Variants in CLVS2 observed in about 807,000 individuals in gnomAD.
CLVS2 encodes clavesin 2, also known as clavesin-2.
CLVS2 carries 19 observed loss-of-function variants against 29.0 expected under a neutral mutation model. The ratio of observed to expected loss-of-function variants is 0.66; its 90% CI spans 0.46 to 0.96. CLVS2 has a LOEUF of 0.96. CLVS2 is among the 40% of genes least tolerant of loss of function. CLVS2 has a pLI of 0.00. For synonymous variants in CLVS2, 161 were observed against 151.3 expected, an observed-to-expected ratio of 1.06 and a Z score of -0.47; for missense variants, 294 against 404.1, an observed-to-expected ratio of 0.73 and a Z score of 2.34.
chr6:123,004,741 C>T (rs1044599916), intron 2 of CLVS2, among the ~76,000 whole-genome samples: 1 of 151,852 alleles, frequency 6.6e-6, no homozygotes, highest in African/African-American at 2.4e-5. Flanking sequence ...GGTGAAACCC[C>T]GTCTCTACTA....
chr6:123,049,041 G>T (rs1772564490), intron 4 of CLVS2, among the ~76,000 whole-genome samples: 1 of 152,134 alleles, frequency 6.6e-6, no homozygotes, highest in East Asian at 1.9e-4. Flanking sequence ...TGTTATTGAT[G>T]CACTTAATTT....
chr6:123,009,167 T>C (rs1774714550), intron 2 of CLVS2, among the ~76,000 whole-genome samples: 1 of 152,012 alleles, frequency 6.6e-6, no homozygotes, highest in Non-Finnish European at 1.5e-5. Context: ...CTTTGATGAC[T>C]CTCTGGTGCT....
intron 4 of CLVS2, among the ~76,000 whole-genome samples, chr6:123,051,450 TCTC>T (rs1481348681): frequency 6.6e-6 from 1 of 152,142 alleles, no homozygotes; most frequent in Non-Finnish European, 1.5e-5. Flanking sequence ...TAAACTAAGG[TCTC>T]CTACTGCTCC....
At chr6:123,019,772 G>T (rs1000938183) in intron 3 of CLVS2, among the ~76,000 whole-genome samples, 5 of 152,038 alleles carry the variant, frequency 3.3e-5, no homozygotes, top group Non-Finnish European at 5.9e-5. Flanking sequence ...AGTTATGGAG[G>T]CTGAGAAGTC....
intron 3 of CLVS2, among the ~76,000 whole-genome samples, chr6:123,038,060 C>A (rs1037070940): frequency 1.3e-5 from 2 of 152,146 alleles, no homozygotes; most frequent in African/African-American, 4.8e-5. Flanking sequence ...CAACTCCAGA[C>A]AAACAGTTTT....
intron 3 of CLVS2, among the ~76,000 whole-genome samples, chr6:123,030,528 C>T (rs1775068331): frequency 6.6e-6 from 1 of 152,060 alleles, no homozygotes. Context: ...AAAGGTCAGC[C>T]CTATCTTCAG....
At chr6:123,035,240 T>C (rs552727000) in intron 3 of CLVS2, among the ~76,000 whole-genome samples, 1 of 152,196 alleles carries the variant, frequency 6.6e-6, no homozygotes, top group Admixed American at 6.5e-5. Flanking sequence ...GTGAAGGGTT[T>C]TTTGATTTTT....
In CLVS2 at chr6:123,055,868, C is replaced by T. The variant is rs547464007; in HGVS notation, c.738C>T (p.Pro246=). ...AACTAATTCATCCTGAGATCCTGCC[C>T]TCTGAGTTTGGAGGAATGCTGCCTC... ...LHQLIHPEIL[P]SEFGGMLPPY... is the part of the protein sequence containing the mutation. The change falls in exon 5 of 6, where the codon CCC becomes CCT. Residue 246 remains proline, a synonymous_variant. Transcript: ENST00000275162. 334 of 1,614,088 alleles carry T rather than the reference C, an allele frequency of 2.1e-4. 1 individual carries two copies. In the Middle Eastern group the frequency reaches 2.3e-3, roughly 11 times the overall value.
intron 2 of CLVS2, among the ~76,000 whole-genome samples, chr6:122,999,437 A>C (rs1238182496): frequency 6.6e-6 from 1 of 152,200 alleles, no homozygotes; most frequent in East Asian, 1.9e-4. Context: ...GAAGATTCAT[A>C]ATGCTAAGAA....
In CLVS2 at chr6:123,069,923, A is replaced by G. The variant is rs973514126; in HGVS notation, c.*6162A>G. 2 of 151,922 alleles carry G rather than the reference A, an allele frequency of 1.3e-5. No individual in the cohort carries two copies. The highest frequency in any genetic ancestry group is 2.9e-5 in the Non-Finnish European group (2 of 67,892). The allele number at this position is 151,922 out of a possible 1,614,324, so 9.4% of individuals were successfully genotyped here. On this transcript the variant is annotated 3_prime_UTR_variant, in exon 6 of 6. Coordinates refer to ENST00000275162, the MANE Select transcript of CLVS2 (RefSeq NM_001010852.4). ...TTTTTCTAATTGGCATCATAAAAGT[A>G]TAAGAAGCCACAAATGCATTGTTGC...
At chr6:123,048,452 T>C (rs1240622681) in intron 3 of CLVS2, among the ~76,000 whole-genome samples, 170 bp from the exon 4 acceptor site, 1 of 152,178 alleles carries the variant, frequency 6.6e-6, no homozygotes, top group Non-Finnish European at 1.5e-5. Context: ...AGTTACTGTA[T>C]GAAAAGTACA....
intron 3 of CLVS2, among the ~76,000 whole-genome samples, chr6:123,016,338 T>TTG: frequency 3.1e-5 from 1 of 32,698 alleles, no homozygotes; most frequent in East Asian, 3.6e-3. Context: ...CGTGCTTTTT[T>TTG]TGGGGGGGAG....
chr6:123,061,848 T>C (rs1772784393), intron 5 of CLVS2, among the ~76,000 whole-genome samples: 1 of 151,574 alleles, frequency 6.6e-6, no homozygotes, highest in Non-Finnish European at 1.5e-5. Flanking sequence ...TGGAATATTA[T>C]TAGGATATAC....
chr6:122,997,757 A>C lies in CLVS2; in HGVS notation c.-21A>C, dbSNP rs745542448. The stretch of plus-strand genomic sequence containing the variant: ...CAGTCAACAAGGTCTTCTGAGGGAA[A>C]GCTCAGAGATAGGCAGAACAATGAC... On this transcript the variant is annotated 5_prime_UTR_variant, in exon 2 of 6. Transcript: ENST00000275162. 4.4e-6 allele frequency: 7 copies of C among 1,607,454 alleles called. No homozygotes were observed. The African/African-American group carries it at 9.4e-5, about 22-fold the overall frequency.
chr6:123,053,460 A>G (rs1772645326), intron 4 of CLVS2, among the ~76,000 whole-genome samples: 1 of 152,160 alleles, frequency 6.6e-6, no homozygotes, highest in Admixed American at 6.6e-5. Flanking sequence ...TGTTTCAATA[A>G]ACAGAGTCAT....
Position 123,055,826 on chromosome 6 carries a change from C to A in CLVS2, c.696C>A (p.Asn232Lys). The change falls in exon 5 of 6, where the codon AAC (asparagine) becomes AAA (lysine). Residue 232 changes from asparagine to lysine, a missense_variant. Asn to Lys is a moderately conservative substitution (Grantham distance 94). Transcript: ENST00000275162. ...TRKRIFLHGNNLNSLHQLIHP... is the reference protein window; with the variant it reads ...TRKRIFLHGNKLNSLHQLIHP... The stretch of plus-strand genomic sequence containing the variant: ...TATAGATATTTTTGCATGGTAACAA[C>A]CTGAACAGTCTACACCAACTAATTC... 1 of 1,613,780 alleles carries A rather than the reference C, an allele frequency of 6.2e-7. No individual in the cohort carries two copies. The highest frequency in any genetic ancestry group is 8.5e-7 in the Non-Finnish European group (1 of 1,179,676).
chr6:123,063,856 G>A lies in CLVS2; in HGVS notation c.*95G>A, dbSNP rs981853591. 59 of 802,424 alleles carry A rather than the reference G, an allele frequency of 7.4e-5. No homozygotes were observed. Among genetic ancestry groups the A allele is most frequent in the East Asian group, 2.6e-4 (10 of 37,762 alleles). The allele number at this position is 802,424 out of a possible 1,614,324, so 49.7% of individuals were successfully genotyped here. A position where few individuals can be genotyped will look rare whatever the true frequency, so the allele number is the denominator to read the frequency against. ...GTAGAGGAATTACCAGCTGGAAACCGACTTATTCATGTTAATGTAGCATAA... is the reference window on the plus strand; with the variant it reads ...GTAGAGGAATTACCAGCTGGAAACCAACTTATTCATGTTAATGTAGCATAA... On this transcript the variant is annotated 3_prime_UTR_variant, in exon 6 of 6. Coordinates refer to ENST00000275162, the MANE Select transcript of CLVS2 (RefSeq NM_001010852.4).
In CLVS2 at chr6:123,072,391, C is replaced by G. The variant is rs1772963019; in HGVS notation, c.*8630C>G. 6.6e-6 allele frequency: 1 copy of G among 152,014 alleles called. No individual in the cohort carries two copies. The highest frequency in any genetic ancestry group is 6.6e-5 in the Admixed American group (1 of 15,242). The allele number at this position is 152,014 out of a possible 1,614,324, so 9.4% of individuals were successfully genotyped here. A position where few individuals can be genotyped will look rare whatever the true frequency, so the allele number is the denominator to read the frequency against. On this transcript the variant is annotated 3_prime_UTR_variant, in exon 6 of 6. Transcript: ENST00000275162. ...TGTGTGCTATGTAGGACATTGTTAACCAATATAGATTATGTTTCTTGTCAG... is the reference window on the plus strand; with the variant it reads ...TGTGTGCTATGTAGGACATTGTTAAGCAATATAGATTATGTTTCTTGTCAG...
chr6:123,055,714 C>A, intron 4 of CLVS2, 92 bp from the exon 5 acceptor site: 2 of 865,284 alleles, frequency 2.3e-6, no homozygotes, highest in South Asian at 1.5e-5. Flanking sequence ...CTCATATTTG[C>A]TATTGCTATC....
Sources: gnomAD v4.1 joint callset for allele counts (sites outside exome capture counted in the v4.1 genomes callset) on GRCh38, gnomAD v4.1.1 for gene constraint, MANE v1.5 for transcripts, NCBI Gene and HGNC (gene_info 2026-07-23, HGNC 2026-07-21) for gene names.